Variants in SSH1 observed in about 807,000 individuals in gnomAD.
SSH1 encodes slingshot protein phosphatase 1.
In SSH1, 43 loss-of-function variants were observed where a neutral mutation model predicts 79.7. The observed-to-expected ratio is 0.54, with a 90% CI of 0.42 to 0.70. The LOEUF (loss-of-function observed/expected upper bound fraction) is 0.70, where lower values mean the gene tolerates loss of function less well. Among genes scored for constraint, SSH1 ranks in the 30% least tolerant of loss-of-function variants. SSH1 has a pLI of 0.00. For synonymous variants in SSH1, 599 were observed against 538.3 expected (o/e 1.11, Z -1.56); for missense variants, 1,206 against 1,358.8 (o/e 0.89, Z 1.77).
intron 2 of SSH1, among the ~76,000 whole-genome samples, chr12:108,841,198 C>T (rs368391296): frequency 1.3e-5 from 2 of 152,210 alleles, no homozygotes; most frequent in African/African-American, 4.8e-5. Context: ...CACAGCTTTG[C>T]CCCATTTATC....
chr12:108,801,712 G>A (rs948957774), intron 11 of SSH1, among the ~76,000 whole-genome samples: 1 of 149,650 alleles, frequency 6.7e-6, no homozygotes, highest in Non-Finnish European at 1.5e-5. Context: ...CCCACAGAAC[G>A]GTGATTTTGT....
chr12:108,840,460 G>C (rs910972737), intron 2 of SSH1, among the ~76,000 whole-genome samples: 7 of 151,880 alleles, frequency 4.6e-5, no homozygotes, highest in African/African-American at 1.5e-4. Context: ...TTGAACCCAG[G>C]AGGCAGAGGT....
chr12:108,786,547 T>C lies in SSH1; in HGVS notation c.*1441A>G, dbSNP rs931101168. ...CAGGCTTTGTGGGCCACATGAATTC[T>C]GTCACATATTATTTCTTTTTTTTAC... is the stretch of plus-strand genomic sequence containing the variant. On this transcript the variant is annotated 3_prime_UTR_variant, in exon 15 of 15. Coordinates refer to ENST00000326495, the MANE Select transcript of SSH1 (RefSeq NM_018984.4). 2 of 152,244 alleles carry C rather than the reference T, an allele frequency of 1.3e-5. No homozygotes were observed. Among genetic ancestry groups the C allele is most frequent in the African/African-American group, 4.8e-5 (2 of 41,452 alleles). 9.4% of individuals were successfully genotyped at this position (152,244 alleles called of 1,614,324 possible).
chr12:108,852,607 A>C, intron 2 of SSH1, 31 bp downstream of exon 2: 1 of 1,613,414 alleles, frequency 6.2e-7, no homozygotes, highest in Non-Finnish European at 8.5e-7. Flanking sequence ...TGGGAGAAAG[A>C]CTTAGGAACA....
chr12:108,821,105 T>TATGGCACCTC (rs1430743946), intron 3 of SSH1, among the ~76,000 whole-genome samples: 1 of 152,018 alleles, frequency 6.6e-6, no homozygotes, highest in Non-Finnish European at 1.5e-5. Flanking sequence ...TCTGGCTGAG[T>TATGGCACCTC]ATGGCACCTC....
At chr12:108,829,105 A>T (rs2038408283) in intron 2 of SSH1, among the ~76,000 whole-genome samples, 1 of 152,102 alleles carries the variant, frequency 6.6e-6, no homozygotes, top group Non-Finnish European at 1.5e-5. Flanking sequence ...AGATGGGTGG[A>T]TCATTTGAGG....
In SSH1 at chr12:108,783,032, G is replaced by C. The variant is rs886193849; in HGVS notation, c.*4956C>G. The C allele has an allele frequency of 6.6e-6, 1 of 152,172 alleles. No individual in the cohort carries two copies. Among genetic ancestry groups the C allele is most frequent in the Non-Finnish European group, 1.5e-5 (1 of 68,042 alleles). 9.4% of individuals were successfully genotyped at this position (152,172 alleles called of 1,614,324 possible). Reference sequence around the variant, plus strand: ...GGACACTAACAGAGAGGAAAACTAGGGTGGTCTAGGTGGTAATAAAATCTC... The same window carrying C: ...GGACACTAACAGAGAGGAAAACTAGCGTGGTCTAGGTGGTAATAAAATCTC... On this transcript the variant is annotated 3_prime_UTR_variant, in exon 15 of 15. Coordinates refer to ENST00000326495, the MANE Select transcript of SSH1 (RefSeq NM_018984.4).
At chr12:108,793,397 CCTTT>C (rs982069946) in intron 13 of SSH1, among the ~76,000 whole-genome samples, 3 of 145,760 alleles carry the variant, frequency 2.1e-5, no homozygotes, top group African/African-American at 7.4e-5. Context: ...TTTTATAATC[CCTTT>C]TTTTTTTTTT....
intron 2 of SSH1, among the ~76,000 whole-genome samples, chr12:108,824,781 CTT>C (rs1015165897): frequency 2.6e-5 from 4 of 152,288 alleles, no homozygotes; most frequent in Non-Finnish European, 5.9e-5. Flanking sequence ...TTTAATTTCA[CTT>C]TCATGACTTG....
chr12:108,810,877 C>T (rs1359009047), intron 6 of SSH1, among the ~76,000 whole-genome samples: 2 of 152,230 alleles, frequency 1.3e-5, no homozygotes, highest in African/African-American at 4.8e-5. Context: ...TCCTTGTACC[C>T]CCAAAGCTGG....
intron 2 of SSH1, among the ~76,000 whole-genome samples, chr12:108,832,286 G>T (rs888377573): frequency 2.6e-5 from 4 of 151,948 alleles, no homozygotes; most frequent in African/African-American, 9.7e-5. Flanking sequence ...GACAGAGGGA[G>T]ACTCTGTCCC....
chr12:108,821,121 T>C (rs894200821), intron 3 of SSH1, among the ~76,000 whole-genome samples: 1 of 152,168 alleles, frequency 6.6e-6, no homozygotes, highest in African/African-American at 2.4e-5. Context: ...ACCTCAAACC[T>C]ATAATCCCAA....
chr12:108,804,400 C>T (rs1032990934), intron 10 of SSH1, among the ~76,000 whole-genome samples: 7 of 152,244 alleles, frequency 4.6e-5, no homozygotes, highest in Non-Finnish European at 1.0e-4. Context: ...GTGCCTTCCT[C>T]TATAGCCTCT....
chr12:108,792,733 C>T lies in SSH1; in HGVS notation c.1446G>A (p.Glu482=). ...GGCTTTCCGGGGTGCCATCTGGGGT[C>T]TCTGGCAAGAAGTCGCCAGGTCCTG... The part of the protein sequence containing the change: ...DPAGPGDFLP[E]TPDGTPESQL... The change falls in exon 14 of 15, where the codon GAG becomes GAA. Residue 482 remains glutamate, a synonymous_variant. Coordinates refer to ENST00000326495, the MANE Select transcript of SSH1 (RefSeq NM_018984.4). 7 of 1,613,866 alleles carry T rather than the reference C, an allele frequency of 4.3e-6. No individual in the cohort carries two copies. Among genetic ancestry groups the T allele is most frequent in the Non-Finnish European group, 5.9e-6 (7 of 1,180,034 alleles).
intron 7 of SSH1, among the ~76,000 whole-genome samples, chr12:108,809,456 C>CAAA (rs200047288): frequency 5.3e-5 from 6 of 114,232 alleles, no homozygotes; most frequent in Admixed American, 9.1e-5. Flanking sequence ...GACCCTGTCT[C>CAAA]AAAAAAAAAA....
chr12:108,820,292 C>T (rs2038067771), intron 3 of SSH1, among the ~76,000 whole-genome samples: 1 of 152,176 alleles, frequency 6.6e-6, no homozygotes, highest in Admixed American at 6.5e-5. Context: ...TGTGTTGACC[C>T]TGCTTCCTAT....
chr12:108,788,401 T>C lies in SSH1; in HGVS notation c.2737A>G (p.Lys913Glu), dbSNP rs1283346456. 2 of 1,610,562 alleles carry C rather than the reference T, an allele frequency of 1.2e-6. No individual in the cohort carries two copies. The highest frequency in any genetic ancestry group is 8.5e-7 in the Non-Finnish European group (1 of 1,178,802). The change falls in exon 15 of 15, where the codon AAA becomes GAA. Residue 913 changes from lysine to glutamate, a missense_variant. By Grantham distance (56) the Lys-to-Glu change is moderately conservative. Around this residue, in one of 5 missense-constraint regions of SSH1, gnomAD observed 709 missense variants for 730.6 expected, o/e 0.97. Coordinates refer to ENST00000326495, the MANE Select transcript of SSH1 (RefSeq NM_018984.4). ...TAGCAGATGGTCTTCAGAAAGTCTTTTGAGAAACTACTGGTGTGGTCCAGG... is the reference window on the plus strand; with the variant it reads ...TAGCAGATGGTCTTCAGAAAGTCTTCTGAGAAACTACTGGTGTGGTCCAGG... ...YRLDHTSSFS[K>E]DFLKTICYTP...
chr12:108,837,448 G>A (rs1282127709), intron 2 of SSH1, among the ~76,000 whole-genome samples: 3 of 152,156 alleles, frequency 2.0e-5, no homozygotes, highest in Non-Finnish European at 2.9e-5. Flanking sequence ...TCAGTGTCCC[G>A]CGTGGATGGC....
In SSH1 at chr12:108,829,532, A is replaced by G. The variant is rs1003333498; in HGVS notation, c.111-6171T>C. On this transcript the variant is annotated intron_variant, in intron 2 of 14. Transcript: ENST00000326495. ...GTAAGCCAAGCCAGCCCAAGCTCTGATAAGGGCAAAGACAGCCATCCTCTT... is the reference window on the plus strand; with the variant it reads ...GTAAGCCAAGCCAGCCCAAGCTCTGGTAAGGGCAAAGACAGCCATCCTCTT... 5.3e-5 allele frequency among the ~76,000 whole-genome samples: 8 copies of G among 152,184 alleles called. No individual in the cohort carries two copies. The South Asian group carries it at 1.7e-3, about 32-fold the overall frequency.
Sources: gnomAD v4.1 joint callset for allele counts (sites outside exome capture counted in the v4.1 genomes callset) on GRCh38, gnomAD v4.1.1 for gene constraint, gnomAD v4.1.1 regional missense constraint, MANE v1.5 for transcripts, NCBI Gene and HGNC (gene_info 2026-07-23, HGNC 2026-07-21) for gene names.